The following NXPH1 variants were observed in gnomAD, a reference collection of about 807,000 sequenced individuals.
NXPH1 encodes the protein neurexophilin 1.
NXPH1 carries 5 observed loss-of-function variants against 23.7 expected under a neutral mutation model. The observed-to-expected ratio is 0.21, with a 90% CI of 0.11 to 0.44. NXPH1 has a LOEUF of 0.44. Among genes scored for constraint, NXPH1 ranks in the 20% least tolerant of loss-of-function variants. NXPH1 has a pLI of 0.99. For synonymous variants in NXPH1, 144 were observed against 122.2 expected, an observed-to-expected ratio of 1.18 and a Z score of -1.18; for missense variants, 324 against 321.6, an observed-to-expected ratio of 1.01 and a Z score of -0.06.
chr7:8,504,671 C>G (rs537994268), intron 2 of NXPH1, among the ~76,000 whole-genome samples: 9 of 152,118 alleles, frequency 5.9e-5, no homozygotes, highest in African/African-American at 2.2e-4. Flanking sequence ...TGTTGCAATC[C>G]TAACCCCCTA....
At chr7:8,635,455 T>C (rs1276837304) in intron 2 of NXPH1, among the ~76,000 whole-genome samples, 1 of 152,214 alleles carries the variant, frequency 6.6e-6, no homozygotes, top group African/African-American at 2.4e-5. Flanking sequence ...TGAATTATTT[T>C]ATTAAATTCT....
Position 8,721,661 on chromosome 7 carries a change from C to G in NXPH1, c.55-29347C>G, listed in dbSNP as rs535989600. Among the ~76,000 whole-genome samples the G allele has an allele frequency of 7.9e-5, 12 of 152,248 alleles. No individual in the cohort carries two copies. In the East Asian group the frequency reaches 2.3e-3, roughly 29 times the overall value. ...GGCGTGGTGGCGGGCACCTGTAGTCCCAGCTACTCGGGAGGCTGAGGCAGG... is the reference window on the plus strand; with the variant it reads ...GGCGTGGTGGCGGGCACCTGTAGTCGCAGCTACTCGGGAGGCTGAGGCAGG... On this transcript the variant is annotated intron_variant, in intron 2 of 2. Coordinates refer to ENST00000405863, the MANE Select transcript of NXPH1 (RefSeq NM_152745.3).
intron 2 of NXPH1, among the ~76,000 whole-genome samples, chr7:8,601,182 A>T (rs1819351080): frequency 6.6e-6 from 1 of 152,064 alleles, no homozygotes; most frequent in African/African-American, 2.4e-5. Flanking sequence ...CATGGTGATC[A>T]CAATTTCTTC....
intron 2 of NXPH1, among the ~76,000 whole-genome samples, chr7:8,555,412 A>G (rs1029660997): frequency 6.6e-6 from 1 of 151,670 alleles, no homozygotes; most frequent in African/African-American, 2.4e-5. Context: ...ATTTTGAACA[A>G]TCCTGATTCC....
At chr7:8,556,386 C>G (rs181811351) in intron 2 of NXPH1, among the ~76,000 whole-genome samples, 1 of 151,762 alleles carries the variant, frequency 6.6e-6, no homozygotes, top group Admixed American at 6.6e-5. Context: ...CATCTACCTC[C>G]AAGATTGCTC....
intron 2 of NXPH1, among the ~76,000 whole-genome samples, chr7:8,689,546 G>A (rs1169337093): frequency 6.6e-6 from 1 of 152,176 alleles, no homozygotes; most frequent in Non-Finnish European, 1.5e-5. Flanking sequence ...CAGAAATAGT[G>A]TTAGGGTGTA....
At chr7:8,633,881 T>G (rs948754221) in intron 2 of NXPH1, among the ~76,000 whole-genome samples, 23 of 152,176 alleles carry the variant, frequency 1.5e-4, no homozygotes, top group Non-Finnish European at 2.6e-4. Context: ...ATTTTTTGTG[T>G]GAAGTATTTG....
intron 2 of NXPH1, among the ~76,000 whole-genome samples, chr7:8,525,335 G>C (rs996385170): frequency 1.3e-5 from 2 of 152,200 alleles, no homozygotes; most frequent in African/African-American, 4.8e-5. Flanking sequence ...GGTAACTTGG[G>C]TGCTATTAAA....
chr7:8,690,799 C>T (rs192097164), intron 2 of NXPH1, among the ~76,000 whole-genome samples: 91 of 152,280 alleles, frequency 6.0e-4, no homozygotes, highest in African/African-American at 2.1e-3. Context: ...TTTACTGCCT[C>T]GTTTGTGACA....
intron 2 of NXPH1, among the ~76,000 whole-genome samples, chr7:8,619,176 C>A (rs941857328): frequency 3.9e-5 from 6 of 152,234 alleles, no homozygotes; most frequent in Non-Finnish European, 7.4e-5. Context: ...GTGTTCCTGG[C>A]ATAGTTTTGA....
At chr7:8,514,474 T>C (rs1234882504) in intron 2 of NXPH1, among the ~76,000 whole-genome samples, 1 of 152,144 alleles carries the variant, frequency 6.6e-6, no homozygotes, top group Non-Finnish European at 1.5e-5. Context: ...TGGACAAGCA[T>C]TTGGCTTTTG....
intron 2 of NXPH1, among the ~76,000 whole-genome samples, chr7:8,543,357 A>C (rs1345759052): frequency 6.6e-6 from 1 of 151,602 alleles, no homozygotes; most frequent in East Asian, 1.9e-4. Context: ...TGTGTCACTT[A>C]TGTTTCTTCT....
At chr7:8,517,385 A>G (rs1817703395) in intron 2 of NXPH1, among the ~76,000 whole-genome samples, 1 of 152,168 alleles carries the variant, frequency 6.6e-6, no homozygotes. Context: ...CTGGGATGAA[A>G]GAACATGGAG....
At chr7:8,593,269 C>G (rs1002582617) in intron 2 of NXPH1, among the ~76,000 whole-genome samples, 5 of 150,142 alleles carry the variant, frequency 3.3e-5, no homozygotes, top group African/African-American at 9.8e-5. Flanking sequence ...CAAATGGTTT[C>G]TCTGGAAGTG....
Position 8,559,955 on chromosome 7 carries a change from A to G in NXPH1, c.54+124188A>G, listed in dbSNP as rs118077089. Reference sequence around the variant, plus strand: ...GAAAGATTGCCAGAATCGATTATTGATATCTACCATGAAGTCGGGAGAGAA... The same window carrying G: ...GAAAGATTGCCAGAATCGATTATTGGTATCTACCATGAAGTCGGGAGAGAA... On this transcript the variant is annotated intron_variant, in intron 2 of 2. Transcript: ENST00000405863. Among the ~76,000 whole-genome samples the G allele has an allele frequency of 5.5e-3, 832 of 151,806 alleles. 2 individuals carry two copies. Among genetic ancestry groups the G allele is most frequent in the Non-Finnish European group, 8.6e-3 (586 of 67,752 alleles).
rs1817055398 is a variant in NXPH1 at position 8,480,544 on chromosome 7, G to A, written c.54+44777G>A. ...AGGTGACATAGGCTCGTTGTCACCA[G>A]TGAGAATTTCTAACACTTGGTGTCA... On this transcript the variant is annotated intron_variant, in intron 2 of 2. Coordinates refer to ENST00000405863, the MANE Select transcript of NXPH1 (RefSeq NM_152745.3). Among the ~76,000 whole-genome samples the A allele has an allele frequency of 2.0e-5, 3 of 152,180 alleles. No homozygotes were observed. In the South Asian group the frequency reaches 6.2e-4, roughly 32 times the overall value.
intron 2 of NXPH1, among the ~76,000 whole-genome samples, chr7:8,738,613 TGAG>T (rs1780304147): frequency 1.3e-5 from 2 of 152,088 alleles, no homozygotes; most frequent in Admixed American, 1.3e-4. Context: ...GGGACCCACT[TGAG>T]GAGGCAGTCT....
intron 2 of NXPH1, among the ~76,000 whole-genome samples, chr7:8,573,841 T>C (rs554461853): frequency 3.3e-5 from 5 of 152,286 alleles, no homozygotes; most frequent in African/African-American, 1.2e-4. Flanking sequence ...TCCTGATGTT[T>C]AAAGACATCA....
intron 2 of NXPH1, among the ~76,000 whole-genome samples, chr7:8,740,025 T>C (rs1780334149): frequency 6.6e-6 from 1 of 152,202 alleles, no homozygotes; most frequent in Non-Finnish European, 1.5e-5. Context: ...ACCACAGAGT[T>C]GTCAGAATTA....
Sources: allele counts gnomAD v4.1 joint callset (sites outside exome capture counted in the v4.1 genomes callset), GRCh38; gene constraint gnomAD v4.1.1; transcripts MANE v1.5; gene names NCBI Gene and HGNC (gene_info 2026-07-23, HGNC 2026-07-21).